The following SMAD5 variants were observed in gnomAD, a reference collection of about 807,000 sequenced individuals.
SMAD5 encodes MAD, mothers against decapentaplegic homolog 5.
SMAD5 carries 9 observed loss-of-function variants against 43.1 expected under a neutral mutation model. That is an observed-to-expected ratio of 0.21 (90% CI 0.13 to 0.36). The LOEUF is 0.36. Ranked by LOEUF, SMAD5 falls within the 10% of genes least tolerant of loss-of-function variation. The probability of loss-of-function intolerance (pLI) is 1.00; values close to 1 mark genes in which losing one functional copy is unlikely to be tolerated. For missense variants in SMAD5, 348 were observed against 574.0 expected, an observed-to-expected ratio of 0.61 and a Z score of 4.02; for synonymous variants, 190 against 192.4, an observed-to-expected ratio of 0.99 and a Z score of 0.10.
In SMAD5 at chr5:136,147,872, T is replaced by C. The variant is rs1238052721; in HGVS notation, c.-204T>C. The C allele has an allele frequency of 6.6e-6, 1 of 151,792 alleles. No homozygotes were observed. Among genetic ancestry groups the C allele is most frequent in the Non-Finnish European group, 1.5e-5 (1 of 67,812 alleles). 9.4% of individuals were successfully genotyped at this position (151,792 alleles called of 1,614,324 possible). On this transcript the variant is annotated 5_prime_UTR_variant, in exon 2 of 8. Transcript: ENST00000545279. ...AGTTATTGAAGTACCTGTTGCTATA[T>C]TCTAAGAAATTAAAATGTCCAGAAA...
chr5:136,168,668 T>C (rs1343748297), intron 5 of SMAD5, among the ~76,000 whole-genome samples: 2 of 152,352 alleles, frequency 1.3e-5, no homozygotes, highest in Non-Finnish European at 2.9e-5. Context: ...CCTTATGATA[T>C]GATACAGAAT....
At chr5:136,145,138 A>T (rs1022292703) in intron 1 of SMAD5, among the ~76,000 whole-genome samples, 2 of 151,590 alleles carry the variant, frequency 1.3e-5, no homozygotes, top group Non-Finnish European at 2.9e-5. Context: ...ACCTCATAAC[A>T]TAACATTAAC....
chr5:136,172,135 T>C (rs1337305370), intron 5 of SMAD5, among the ~76,000 whole-genome samples: 2 of 152,170 alleles, frequency 1.3e-5, no homozygotes, highest in Non-Finnish European at 2.9e-5. Flanking sequence ...CCCCCAGACC[T>C]GTGAGAAATA....
chr5:136,143,938 T>A (rs932950748), intron 1 of SMAD5, among the ~76,000 whole-genome samples: 1 of 152,028 alleles, frequency 6.6e-6, no homozygotes, highest in Non-Finnish European at 1.5e-5. Flanking sequence ...TCTTTTCACT[T>A]TTTTCTTCTT....
At chr5:136,147,674 G>A (rs1753305867) in intron 1 of SMAD5, 158 bp from the exon 2 acceptor site, 1 of 151,792 alleles carries the variant, frequency 6.6e-6, no homozygotes, top group African/African-American at 2.4e-5. Context: ...TGCTTTATAA[G>A]GCTGTTTTGA....
chr5:136,146,176 G>A (rs1561642867), intron 1 of SMAD5, among the ~76,000 whole-genome samples: 2 of 151,814 alleles, frequency 1.3e-5, no homozygotes, highest in Non-Finnish European at 2.9e-5. Context: ...GGCTATAAGT[G>A]TGAGCTTAAG....
chr5:136,181,794 C>A lies in SMAD5; in HGVS notation c.*4314C>A, dbSNP rs1004106309. 1.3e-5 allele frequency: 2 copies of A among 152,276 alleles called. No individual in the cohort carries two copies. The highest frequency in any genetic ancestry group is 4.8e-5 in the African/African-American group (2 of 41,572). The allele number at this position is 152,276 out of a possible 1,614,324, so 9.4% of individuals were successfully genotyped here. On this transcript the variant is annotated 3_prime_UTR_variant, in exon 8 of 8. Coordinates refer to ENST00000545279, the MANE Select transcript of SMAD5 (RefSeq NM_005903.7). ...TTGGATTATCTTCTCTCTTAAAATA[C>A]AACTGTATTATAATTGAAATGACAG...
At chr5:136,163,777 GT>G (rs1753905136) in intron 5 of SMAD5, among the ~76,000 whole-genome samples, 1 of 152,118 alleles carries the variant, frequency 6.6e-6, no homozygotes. Context: ...GTTGTAGCAT[GT>G]ATCAATAGTT....
intron 3 of SMAD5, among the ~76,000 whole-genome samples, chr5:136,159,513 AAGAG>A (rs1753759944): frequency 6.6e-6 from 1 of 152,176 alleles, no homozygotes; most frequent in Non-Finnish European, 1.5e-5. Context: ...GTACAAGTGA[AAGAG>A]AAGCCAGTGA....
chr5:136,176,636 C>T (rs776951458), intron 7 of SMAD5, among the ~76,000 whole-genome samples: 6 of 151,156 alleles, frequency 4.0e-5, no homozygotes, highest in Non-Finnish European at 7.4e-5. Flanking sequence ...TTAACATACC[C>T]CAATCTACCT....
At chr5:136,175,323 T>G (rs1016985032) in intron 7 of SMAD5, among the ~76,000 whole-genome samples, 1 of 152,198 alleles carries the variant, frequency 6.6e-6, no homozygotes, top group Non-Finnish European at 1.5e-5. Flanking sequence ...TATTTGAGTC[T>G]CTTAACTTCA....
At chr5:136,159,064 A>G (rs551868618) in intron 3 of SMAD5, among the ~76,000 whole-genome samples, 2 of 152,348 alleles carry the variant, frequency 1.3e-5, no homozygotes, top group Admixed American at 6.5e-5. Context: ...AAACAAGGCA[A>G]TGGTTAACTT....
chr5:136,143,396 T>G (rs1753151800), intron 1 of SMAD5, among the ~76,000 whole-genome samples: 1 of 152,046 alleles, frequency 6.6e-6, no homozygotes, highest in African/African-American at 2.4e-5. Flanking sequence ...AATTTTTGTC[T>G]TCTTGAAATA....
intron 3 of SMAD5, among the ~76,000 whole-genome samples, chr5:136,156,989 G>A (rs1311855270): frequency 6.6e-6 from 1 of 152,138 alleles, no homozygotes; most frequent in African/African-American, 2.4e-5. Context: ...ACGCAGAATG[G>A]ATCACTTCAT....
At position 136,155,765 on chromosome 5, in the gene SMAD5, A is replaced by G. The variant is rs534961086; in HGVS notation, c.403+1602A>G. Among the ~76,000 whole-genome samples the G allele has an allele frequency of 3.2e-4, 49 of 152,256 alleles. 1 individual carries two copies. In the South Asian group the frequency reaches 9.9e-3, roughly 31 times the overall value. ...ATCACTAATTGACTCTATATTAGAT[A>G]TTTATTTTGTTTATTGACTGACATG... On this transcript the variant is annotated intron_variant, in intron 3 of 7. Coordinates refer to ENST00000545279, the MANE Select transcript of SMAD5 (RefSeq NM_005903.7).
At position 136,174,665 on chromosome 5, in the gene SMAD5, C is replaced by T. The variant is rs763420924; in HGVS notation, c.1254+33C>T. 7 of 1,495,234 alleles carry T rather than the reference C, an allele frequency of 4.7e-6. No individual in the cohort carries two copies. The Admixed American group carries it at 1.2e-4, about 26-fold the overall frequency. 92.6% of individuals were successfully genotyped at this position (1,495,234 alleles called of 1,614,324 possible). ...GTGACCTCTAACATAATTTGAGTCA[C>T]TATAAATGTGTATATTATGACTTTA... On this transcript the variant is annotated intron_variant, in intron 7 of 7. Transcript: ENST00000545279.
chr5:136,161,206 TATA>T (rs10563477), intron 4 of SMAD5, 99 bp downstream of exon 4: 295,751 of 986,248 alleles, frequency 0.3, 47,677 homozygotes, highest in African/African-American at 0.54. Flanking sequence ...CATGCCAAGG[TATA>T]ATAGCTGTTT....
intron 1 of SMAD5, 113 bp downstream of exon 1, chr5:136,133,075 C>G (rs1440400175): frequency 6.6e-6 from 1 of 152,332 alleles, no homozygotes; most frequent in Non-Finnish European, 1.5e-5. Context: ...GCGGAAACGA[C>G]CCAGGGCCTG....
chr5:136,147,359 A>AT (rs1449400358), intron 1 of SMAD5: 1 of 151,866 alleles, frequency 6.6e-6, no homozygotes, highest in African/African-American at 2.4e-5. Context: ...AAAATGAGCA[A>AT]ATTAAGCTGG....
Sources: gnomAD v4.1 joint callset for allele counts (sites outside exome capture counted in the v4.1 genomes callset) on GRCh38, gnomAD v4.1.1 for gene constraint, MANE v1.5 for transcripts, NCBI Gene and HGNC (gene_info 2026-07-23, HGNC 2026-07-21) for gene names.